Variants in KCNK10 observed in about 807,000 individuals in gnomAD.
The protein encoded by KCNK10 is potassium two pore domain channel subfamily K member 10.
KCNK10 carries 25 observed loss-of-function variants against 47.7 expected under a neutral mutation model. The ratio of observed to expected loss-of-function variants is 0.52; its 90% CI spans 0.38 to 0.73. The LOEUF is 0.73. Among genes scored for constraint, KCNK10 ranks in the 30% least tolerant of loss-of-function variants. The probability of loss-of-function intolerance (pLI) is 0.00; values close to 1 mark genes in which losing one functional copy is unlikely to be tolerated. For synonymous variants in KCNK10, 303 were observed against 285.6 expected, an observed-to-expected ratio of 1.06 and a Z score of -0.61; for missense variants, 563 against 714.5, an observed-to-expected ratio of 0.79 and a Z score of 2.42.
At chr14:88,319,180 G>A (rs1426462592) in intron 1 of KCNK10, among the ~76,000 whole-genome samples, 1 of 152,094 alleles carries the variant, frequency 6.6e-6, no homozygotes, top group Admixed American at 6.6e-5. Context: ...TTATATTTGG[G>A]TCTTGTTTTT....
intron 4 of KCNK10, among the ~76,000 whole-genome samples, chr14:88,215,762 G>A (rs1167668231): frequency 6.6e-6 from 1 of 152,164 alleles, no homozygotes; most frequent in African/African-American, 2.4e-5. Flanking sequence ...GAGAGACAGA[G>A]AGACAGAGAG....
chr14:88,296,695 C>T (rs1887991195), intron 1 of KCNK10, among the ~76,000 whole-genome samples: 1 of 152,158 alleles, frequency 6.6e-6, no homozygotes, highest in Non-Finnish European at 1.5e-5. Flanking sequence ...TGGCTTGAAC[C>T]CACTGGGCTC....
chr14:88,308,019 A>T (rs554868247), intron 1 of KCNK10, among the ~76,000 whole-genome samples: 1 of 152,256 alleles, frequency 6.6e-6, no homozygotes, highest in East Asian at 1.9e-4. Context: ...GAGGTAAGTT[A>T]GTGCCTAAGT....
chr14:88,219,622 C>T (rs896522472), intron 4 of KCNK10, among the ~76,000 whole-genome samples: 4 of 152,178 alleles, frequency 2.6e-5, no homozygotes, highest in African/African-American at 9.7e-5. Context: ...CTATGTGAGA[C>T]GTTATCATTT....
At chr14:88,313,791 C>T (rs183855166) in intron 1 of KCNK10, among the ~76,000 whole-genome samples, 1 of 152,174 alleles carries the variant, frequency 6.6e-6, no homozygotes. Context: ...ATTTAAGCCA[C>T]TAAATGTTGG....
In KCNK10 at chr14:88,180,928, T is replaced by C. The variant is rs1337892641; in HGVS notation, c.*4607A>G. On this transcript the variant is annotated 3_prime_UTR_variant, in exon 7 of 7. Coordinates refer to ENST00000319231, the MANE Select transcript of KCNK10 (RefSeq NM_138317.3). ...TGATCTTTGTTTCAGAGAGTTACCC[T>C]TTTTCTTTTTAAGGCCATTACTAGC... 1 of 398,234 alleles carries C rather than the reference T, an allele frequency of 2.5e-6. No homozygotes were observed. Among genetic ancestry groups the C allele is most frequent in the East Asian group, 3.5e-5 (1 of 28,178 alleles). The allele number at this position is 398,234 out of a possible 1,614,324, so 24.7% of individuals were successfully genotyped here.
chr14:88,252,048 T>C (rs895042741), intron 2 of KCNK10, among the ~76,000 whole-genome samples: 2 of 152,184 alleles, frequency 1.3e-5, no homozygotes, highest in African/African-American at 4.8e-5. Context: ...TGTCTATAAG[T>C]AGGGTCACTA....
At chr14:88,319,564 T>C (rs1888501420) in intron 1 of KCNK10, among the ~76,000 whole-genome samples, 1 of 152,236 alleles carries the variant, frequency 6.6e-6, no homozygotes, top group Admixed American at 6.5e-5. Flanking sequence ...GAAAAGATTA[T>C]TGTCTGAATA....
intron 4 of KCNK10, among the ~76,000 whole-genome samples, chr14:88,217,483 C>A (rs1302579556): frequency 6.6e-6 from 1 of 152,158 alleles, no homozygotes; most frequent in Non-Finnish European, 1.5e-5. Context: ...ACCTACAATG[C>A]TGAAAATAAT....
At chr14:88,235,261 A>T (rs977015193) in intron 3 of KCNK10, 7 of 456,550 alleles carry the variant, frequency 1.5e-5, no homozygotes, top group Non-Finnish European at 2.6e-5. Context: ...AAGCTGGTCC[A>T]GGAATATCCA....
chr14:88,220,616 G>T (rs1430951465), intron 4 of KCNK10, among the ~76,000 whole-genome samples: 1 of 129,380 alleles, frequency 7.7e-6, no homozygotes, highest in African/African-American at 3.0e-5. Flanking sequence ...AAAAAAAAAA[G>T]GTCTTTTCAA....
In KCNK10 at chr14:88,185,554, A is replaced by C; in HGVS notation, c.1613T>G (p.Leu538Ter). ...TKDREPENNS[L>*]LEDRN is the part of the protein sequence containing the mutation. ...TCACATTTAGTTTCTGTCTTCAAGT[A>C]ATGAGTTGTTCTCCGGCTCCCGGTC... is the stretch of plus-strand genomic sequence containing the variant. The change falls in exon 7 of 7, where the codon TTA becomes TGA. Residue 538 changes from leucine to a stop codon, truncating the protein, a stop_gained. Coordinates refer to ENST00000319231, the MANE Select transcript of KCNK10 (RefSeq NM_138317.3). LOFTEE classifies it high-confidence loss of function. This position sits in a 1 kb window ranked among gnomAD's most constrained non-coding sequence, Gnocchi z 4.3. The C allele has an allele frequency of 6.2e-7, 1 of 1,613,412 alleles. No individual in the cohort carries two copies. The highest frequency in any genetic ancestry group is 8.5e-7 in the Non-Finnish European group (1 of 1,179,452).
At chr14:88,310,811 A>G (rs3861650) in intron 1 of KCNK10, among the ~76,000 whole-genome samples, 29,470 of 152,094 alleles carry the variant, frequency 0.19, 3,138 homozygotes, top group East Asian at 0.28. Context: ...ACAAAGTGAC[A>G]GCGGGTATGG....
At chr14:88,324,482 C>G (rs1408009284), upstream of KCNK10, among the ~76,000 whole-genome samples, 1 of 152,256 alleles carries the variant, frequency 6.6e-6, no homozygotes, top group Non-Finnish European at 1.5e-5. Flanking sequence ...AACCCCTACT[C>G]TGGCTTCCAG....
chr14:88,201,467 C>A (rs1885099039), intron 4 of KCNK10, among the ~76,000 whole-genome samples: 1 of 152,054 alleles, frequency 6.6e-6, no homozygotes, highest in African/African-American at 2.4e-5. Flanking sequence ...CGAGACCAGC[C>A]TGGCCAATAT....
At chr14:88,210,646 A>G (rs889162759) in intron 4 of KCNK10, among the ~76,000 whole-genome samples, 2 of 152,110 alleles carry the variant, frequency 1.3e-5, no homozygotes, top group Admixed American at 6.5e-5. Context: ...TCACAGGGAC[A>G]CAGCTGTAGG....
At position 88,227,423 on chromosome 14, in the gene KCNK10, A is replaced by C. The variant is rs763611509; in HGVS notation, c.633T>G (p.Leu211=). Residue 211 remains leucine, a synonymous_variant, in exon 4 of 7, where the codon CTT becomes CTG. Transcript: ENST00000319231. ...GFLLAGIGDQ[L]GTIFGKSIAR... ...CAATGCTTTTCCCAAAGATGGTTCC[A>C]AGTTGGTCTCCAATTCCAGCCAATA... is the stretch of plus-strand genomic sequence containing the variant. The C allele has an allele frequency of 1.5e-5, 24 of 1,613,614 alleles. No individual in the cohort carries two copies. The highest frequency in any genetic ancestry group is 1.9e-5 in the Non-Finnish European group (23 of 1,179,870).
At chr14:88,200,100 T>C (rs1479647422) in intron 4 of KCNK10, among the ~76,000 whole-genome samples, 1 of 151,110 alleles carries the variant, frequency 6.6e-6, no homozygotes. Flanking sequence ...TCTTCCTTTT[T>C]TTCTCTTTCT....
chr14:88,207,065 C>G (rs1885297093), intron 4 of KCNK10, among the ~76,000 whole-genome samples: 1 of 152,114 alleles, frequency 6.6e-6, no homozygotes, highest in Non-Finnish European at 1.5e-5. Flanking sequence ...TCCCTACAGA[C>G]CCATCTTTTA....
Sources: allele counts gnomAD v4.1 joint callset (sites outside exome capture counted in the v4.1 genomes callset), GRCh38; gene constraint gnomAD v4.1.1; non-coding constraint Gnocchi (gnomAD v3.1); transcripts MANE v1.5; gene names NCBI Gene and HGNC (gene_info 2026-07-23, HGNC 2026-07-21).